The following AGBL4 variants were observed in gnomAD, a reference collection of about 807,000 sequenced individuals.
AGBL4 encodes AGBL carboxypeptidase 4, also known as cytosolic carboxypeptidase 6.
A neutral mutation model predicts 66.4 loss-of-function variants in AGBL4; 58 were observed. That is an observed-to-expected ratio of 0.87 (90% confidence interval 0.71 to 1.09). The LOEUF (loss-of-function observed/expected upper bound fraction) is 1.09. AGBL4 is among the 50% of genes least tolerant of loss of function. The pLI, the probability that AGBL4 is intolerant of heterozygous loss-of-function variation, is 0.00. For missense variants in AGBL4, 579 were observed against 631.0 expected, an observed-to-expected ratio of 0.92 and a Z score of 0.88; for synonymous variants, 234 against 222.9, an observed-to-expected ratio of 1.05 and a Z score of -0.44.
rs1004665901 is a variant in AGBL4 at position 49,426,016 on chromosome 1, G to A, written c.283-180152C>T. ...ATAATGAACAGATGAGCTAATAGTT[G>A]TTAAAGAAGCATTTGGTAAGCTGCA... is the stretch of plus-strand genomic sequence containing the variant. On this transcript the variant is annotated intron_variant, in intron 3 of 13. Coordinates refer to ENST00000371839, the MANE Select transcript of AGBL4 (RefSeq NM_032785.4). Among the ~76,000 whole-genome samples, 23 of 152,300 alleles carry A rather than the reference G, an allele frequency of 1.5e-4. 1 individual carries two copies. Among genetic ancestry groups the A allele is most frequent in the Middle Eastern group, 6.8e-3 (2 of 294 alleles).
At chr1:48,663,569 AG>A (rs1276371547) in intron 6 of AGBL4, among the ~76,000 whole-genome samples, 1 of 152,122 alleles carries the variant, frequency 6.6e-6, no homozygotes, top group Non-Finnish European at 1.5e-5. Flanking sequence ...ATCCTTTCCA[AG>A]TTTCCATTTT....
At chr1:48,623,226 T>C (rs1289282021) in intron 9 of AGBL4, among the ~76,000 whole-genome samples, 2 of 152,248 alleles carry the variant, frequency 1.3e-5, no homozygotes. Context: ...TGAAGATTAC[T>C]GTTTAGGGAA....
chr1:49,326,734 G>A (rs915344166), intron 3 of AGBL4, among the ~76,000 whole-genome samples: 2 of 152,096 alleles, frequency 1.3e-5, no homozygotes, highest in African/African-American at 4.8e-5. Flanking sequence ...AGCATAAGGA[G>A]GCATTCTTTA....
chr1:49,598,278 G>A (rs1277871958), intron 3 of AGBL4, among the ~76,000 whole-genome samples: 1 of 152,212 alleles, frequency 6.6e-6, no homozygotes, highest in Non-Finnish European at 1.5e-5. Context: ...TCCTTTGGAG[G>A]AGGAGATGCG....
chr1:48,552,052 T>C (rs1206846940), intron 11 of AGBL4, among the ~76,000 whole-genome samples: 1 of 152,152 alleles, frequency 6.6e-6, no homozygotes, highest in Non-Finnish European at 1.5e-5. Flanking sequence ...GTTCATTCAT[T>C]ATTTATTTTT....
chr1:49,598,459 T>C (rs1386018358), intron 3 of AGBL4, among the ~76,000 whole-genome samples: 4 of 152,212 alleles, frequency 2.6e-5, no homozygotes, highest in African/African-American at 7.2e-5. Flanking sequence ...TGCAGGTCTG[T>C]TGGAGTTTGC....
At chr1:49,685,308 G>C (rs1364271885) in intron 3 of AGBL4, among the ~76,000 whole-genome samples, 1 of 152,032 alleles carries the variant, frequency 6.6e-6, no homozygotes, top group Non-Finnish European at 1.5e-5. Context: ...ACCGTTGATG[G>C]GCATCTAGGT....
intron 3 of AGBL4, among the ~76,000 whole-genome samples, chr1:49,584,942 T>A (rs943187275): frequency 1.2e-4 from 18 of 152,192 alleles, no homozygotes; most frequent in African/African-American, 4.1e-4. Context: ...GTTCATTAAA[T>A]GTTTAGGAAA....
At chr1:49,874,187 G>C (rs1571765115) in intron 1 of AGBL4, among the ~76,000 whole-genome samples, 2 of 151,962 alleles carry the variant, frequency 1.3e-5, no homozygotes, top group Non-Finnish European at 1.5e-5. Context: ...ACCTTATCCT[G>C]TCCCTGACAC....
chr1:49,103,327 G>T (rs1645236672), intron 4 of AGBL4, among the ~76,000 whole-genome samples: 1 of 152,158 alleles, frequency 6.6e-6, no homozygotes, highest in Admixed American at 6.5e-5. Flanking sequence ...TTCCAGAGAG[G>T]TCAGAGGGTC....
chr1:48,528,293 G>A (rs1643890342), downstream of AGBL4, among the ~76,000 whole-genome samples: 1 of 152,138 alleles, frequency 6.6e-6, no homozygotes, highest in Admixed American at 6.5e-5. Flanking sequence ...ACATAAAGGA[G>A]TTAAGGCAAG....
At chr1:49,343,263 C>T (rs1645576244) in intron 3 of AGBL4, among the ~76,000 whole-genome samples, 3 of 152,180 alleles carry the variant, frequency 2.0e-5, no homozygotes, top group Non-Finnish European at 2.9e-5. Flanking sequence ...GGAGGAACCT[C>T]TGTTTTCCTC....
chr1:49,920,564 T>C (rs1652117203), intron 1 of AGBL4, among the ~76,000 whole-genome samples: 1 of 152,008 alleles, frequency 6.6e-6, no homozygotes, highest in Non-Finnish European at 1.5e-5. Context: ...CCAGTTAGAA[T>C]GGCGATCATT....
At chr1:49,132,693 CA>C (rs1336118735) in intron 4 of AGBL4, among the ~76,000 whole-genome samples, 1 of 152,064 alleles carries the variant, frequency 6.6e-6, no homozygotes, top group Non-Finnish European at 1.5e-5. Flanking sequence ...AATGAGATAC[CA>C]TCTAACACCA....
intron 4 of AGBL4, among the ~76,000 whole-genome samples, chr1:49,084,847 T>C (rs186735192): frequency 1.3e-5 from 2 of 152,192 alleles, no homozygotes; most frequent in African/African-American, 4.8e-5. Context: ...GCCACACGCC[T>C]TGGTCTGAGC....
intron 3 of AGBL4, among the ~76,000 whole-genome samples, chr1:49,555,658 T>C (rs1355324338): frequency 3.3e-5 from 5 of 150,164 alleles, no homozygotes; most frequent in Admixed American, 3.3e-4. Flanking sequence ...ATCTCCAGAA[T>C]CTACAAAGAA....
intron 5 of AGBL4, among the ~76,000 whole-genome samples, chr1:49,005,222 A>C (rs1293541534): frequency 6.6e-6 from 1 of 152,238 alleles, no homozygotes; most frequent in Non-Finnish European, 1.5e-5. Flanking sequence ...ATAGAAACTA[A>C]ATTTCAAGTT....
intron 4 of AGBL4, among the ~76,000 whole-genome samples, chr1:49,151,284 A>G: frequency 7.7e-6 from 1 of 130,006 alleles, no homozygotes; most frequent in South Asian, 2.3e-4. Context: ...AAAAAAAAAT[A>G]TATATATATA....
chr1:49,831,842 AC>A (rs1161171884), intron 2 of AGBL4, among the ~76,000 whole-genome samples: 4 of 151,940 alleles, frequency 2.6e-5, no homozygotes, highest in African/African-American at 9.7e-5. Context: ...TTTATCAAAG[AC>A]CTTTTCTGCA....
Sources: gnomAD v4.1 joint callset for allele counts (sites outside exome capture counted in the v4.1 genomes callset) on GRCh38, gnomAD v4.1.1 for gene constraint, MANE v1.5 for transcripts, NCBI Gene and HGNC (gene_info 2026-07-23, HGNC 2026-07-21) for gene names.